Variants in CCDC171 observed in about 807,000 individuals in gnomAD.
CCDC171 encodes the protein coiled-coil domain containing 171.
A neutral mutation model predicts 168.2 loss-of-function variants in CCDC171; 177 were observed. The ratio of observed to expected loss-of-function variants is 1.05; its 90% CI spans 0.93 to 1.19. CCDC171 has a LOEUF of 1.19. Among genes scored for constraint, CCDC171 ranks in the 50% most tolerant of loss-of-function variants. The pLI is 0.00. For synonymous variants in CCDC171, 687 were observed against 540.8 expected, an observed-to-expected ratio of 1.27 and a Z score of -3.75; for missense variants, 1,991 against 1,539.0, an observed-to-expected ratio of 1.29 and a Z score of -4.91.
intron 1 of CCDC171, among the ~76,000 whole-genome samples, chr9:15,562,187 G>A (rs1196472690): frequency 3.3e-5 from 5 of 151,814 alleles, no homozygotes; most frequent in African/African-American, 7.3e-5. Flanking sequence ...GTAGAGTCGG[G>A]GTTTCACCAT....
At chr9:15,671,499 C>A (rs1197934608) in intron 9 of CCDC171, among the ~76,000 whole-genome samples, 1 of 151,240 alleles carries the variant, frequency 6.6e-6, no homozygotes, top group African/African-American at 2.4e-5. Context: ...CTAATGCTAT[C>A]CCTCCCCCAG....
At chr9:15,554,494 A>T (rs529887828) in intron 1 of CCDC171, among the ~76,000 whole-genome samples, 1 of 152,310 alleles carries the variant, frequency 6.6e-6, no homozygotes, top group South Asian at 2.1e-4. Context: ...CTTGGGGCTC[A>T]GCCATTTATG....
intron 23 of CCDC171, among the ~76,000 whole-genome samples, chr9:15,856,299 T>C (rs973772490): frequency 2.6e-5 from 4 of 151,978 alleles, no homozygotes; most frequent in African/African-American, 9.7e-5. Flanking sequence ...CTGGCATAAC[T>C]GAAGCTTTAT....
chr9:15,979,607 G>C (rs576907716), intron 3 of CCDC171, among the ~76,000 whole-genome samples: 1 of 151,916 alleles, frequency 6.6e-6, no homozygotes, highest in South Asian at 2.1e-4. Context: ...ATTTTCACAC[G>C]TTAAACCAAT....
At chr9:15,648,987 A>C (rs2047280343) in intron 7 of CCDC171, among the ~76,000 whole-genome samples, 1 of 152,184 alleles carries the variant, frequency 6.6e-6, no homozygotes, top group Non-Finnish European at 1.5e-5. Context: ...ATGCTACCTG[A>C]CTTCAAACTA....
intron 6 of CCDC171, among the ~76,000 whole-genome samples, chr9:15,603,094 G>C (rs1401530531): frequency 2.0e-5 from 3 of 152,086 alleles, no homozygotes; most frequent in Non-Finnish European, 4.4e-5. Flanking sequence ...CTATTCTCCT[G>C]CCTCAGCCTC....
intron 21 of CCDC171, among the ~76,000 whole-genome samples, chr9:15,814,992 C>T (rs1359248640): frequency 6.6e-6 from 1 of 152,118 alleles, no homozygotes; most frequent in African/African-American, 2.4e-5. Context: ...CAAGTCTGTC[C>T]ATGAAAAATC....
chr9:15,628,860 A>C (rs2045415177), intron 7 of CCDC171, among the ~76,000 whole-genome samples: 1 of 152,218 alleles, frequency 6.6e-6, no homozygotes, highest in Admixed American at 6.5e-5. Flanking sequence ...AGACAGCAGC[A>C]TTAACGGTTC....
intron 6 of CCDC171, among the ~76,000 whole-genome samples, chr9:15,601,191 T>C (rs2042824384): frequency 6.6e-6 from 1 of 152,090 alleles, no homozygotes; most frequent in South Asian, 2.1e-4. Flanking sequence ...GGTACCTGAG[T>C]TGGAAATGCA....
chr9:15,956,138 G>T (rs528678311), intron 25 of CCDC171, among the ~76,000 whole-genome samples: 1 of 152,136 alleles, frequency 6.6e-6, no homozygotes, highest in Non-Finnish European at 1.5e-5. Flanking sequence ...TGTAAAGAAA[G>T]ATTTTCTGCG....
intron 6 of CCDC171, among the ~76,000 whole-genome samples, chr9:16,031,842 C>A (rs1047300038): frequency 1.3e-5 from 2 of 152,180 alleles, no homozygotes; most frequent in Non-Finnish European, 2.9e-5. Flanking sequence ...TGTGAGCATG[C>A]CCTCCACCCC....
At chr9:15,582,229 T>G (rs59736306) in intron 4 of CCDC171, among the ~76,000 whole-genome samples, 2,219 of 152,318 alleles carry the variant, frequency 0.015, 60 homozygotes, top group African/African-American at 0.051. Context: ...CACAATGAGT[T>G]GTCATCTCAC....
intron 1 of CCDC171, among the ~76,000 whole-genome samples, chr9:15,559,144 T>C (rs918270733): frequency 2.6e-5 from 4 of 152,144 alleles, no homozygotes; most frequent in African/African-American, 9.7e-5. Flanking sequence ...AGGAGTGCTT[T>C]ACTTCCAACT....
At chr9:15,752,561 C>G (rs1039781252) in intron 18 of CCDC171, among the ~76,000 whole-genome samples, 2 of 152,064 alleles carry the variant, frequency 1.3e-5, no homozygotes, top group Non-Finnish European at 2.9e-5. Flanking sequence ...TACTATGCAG[C>G]CACAAAAAGG....
chr9:15,833,121 G>A (rs753275652), intron 21 of CCDC171, among the ~76,000 whole-genome samples: 1 of 151,566 alleles, frequency 6.6e-6, no homozygotes, highest in Non-Finnish European at 1.5e-5. Flanking sequence ...CTGAGTAGCT[G>A]GGATTACAGG....
intron 21 of CCDC171, among the ~76,000 whole-genome samples, chr9:15,835,982 G>A (rs941493580): frequency 2.0e-5 from 3 of 151,750 alleles, no homozygotes; most frequent in African/African-American, 7.3e-5. Context: ...TTTCTATAAT[G>A]TCCTTATATT....
intron 7 of CCDC171, among the ~76,000 whole-genome samples, chr9:15,644,013 T>G (rs2046840254): frequency 6.6e-6 from 1 of 152,238 alleles, no homozygotes; most frequent in South Asian, 2.1e-4. Flanking sequence ...TCTTTGGCTG[T>G]TATAAAAAAT....
chr9:15,662,426 C>T (rs1366713103), intron 8 of CCDC171, among the ~76,000 whole-genome samples: 1 of 152,028 alleles, frequency 6.6e-6, no homozygotes, highest in Admixed American at 6.6e-5. Context: ...GTGAGTTTAT[C>T]TTTCTTAACT....
intron 6 of CCDC171, among the ~76,000 whole-genome samples, chr9:15,608,587 T>G (rs1007554482): frequency 3.3e-5 from 5 of 152,138 alleles, no homozygotes; most frequent in Non-Finnish European, 7.3e-5. Context: ...TCACATTTCT[T>G]TTTTGTGAAG....
Sources: gnomAD v4.1 joint callset for allele counts (sites outside exome capture counted in the v4.1 genomes callset) on GRCh38, gnomAD v4.1.1 for gene constraint, MANE v1.5 for transcripts, NCBI Gene and HGNC (gene_info 2026-07-23, HGNC 2026-07-21) for gene names.